The following KYNU variants were observed in gnomAD, a reference collection of about 807,000 sequenced individuals.
KYNU encodes kynureninase, also known as L-kynurenine hydrolase.
In KYNU, 54 loss-of-function variants were observed where a neutral mutation model predicts 59.2. The ratio of observed to expected loss-of-function variants is 0.91; its 90% CI spans 0.73 to 1.14. KYNU has a LOEUF of 1.14. Ranked by LOEUF, KYNU falls within the 50% of genes most tolerant of loss-of-function variation. The pLI is 0.00. For synonymous variants in KYNU, 177 were observed against 192.0 expected (o/e 0.92, Z 0.65); for missense variants, 567 against 554.4 (o/e 1.02, Z -0.23).
chr2:142,906,039 TTCTC>T (rs1315213598), intron 2 of KYNU, among the ~76,000 whole-genome samples: 5 of 151,316 alleles, frequency 3.3e-5, no homozygotes, highest in East Asian at 1.9e-4. Flanking sequence ...TCTCTCCCTT[TTCTC>T]TCTCTCTGCC....
intron 2 of KYNU, among the ~76,000 whole-genome samples, chr2:142,886,548 T>C (rs1681520625): frequency 6.6e-6 from 1 of 151,892 alleles, no homozygotes. Context: ...AGAGACGAAA[T>C]AAAATGAGGC....
At chr2:142,953,845 T>C (rs1243278237) in intron 4 of KYNU, among the ~76,000 whole-genome samples, 2 of 152,198 alleles carry the variant, frequency 1.3e-5, no homozygotes, top group Non-Finnish European at 2.9e-5. Context: ...TTAAATTATA[T>C]ACTTATTTAC....
intron 10 of KYNU, among the ~76,000 whole-genome samples, chr2:143,016,334 T>TA (rs1264034993): frequency 3.9e-5 from 6 of 152,254 alleles, no homozygotes; most frequent in Non-Finnish European, 5.9e-5. Context: ...AATATGTTAA[T>TA]ATGTAATTTA....
At chr2:142,899,062 C>T (rs994240314) in intron 2 of KYNU, among the ~76,000 whole-genome samples, 6 of 151,958 alleles carry the variant, frequency 3.9e-5, no homozygotes, top group African/African-American at 9.6e-5. Context: ...GTGGTGGACC[C>T]GGGTGGGAGT....
intron 2 of KYNU, among the ~76,000 whole-genome samples, chr2:142,910,286 G>C (rs910676873): frequency 6.6e-6 from 1 of 151,754 alleles, no homozygotes; most frequent in Admixed American, 6.6e-5. Flanking sequence ...ACAGGCCTCT[G>C]CCACCAAACC....
At chr2:142,986,729 C>A (rs1053770747) in intron 10 of KYNU, among the ~76,000 whole-genome samples, 3 of 150,636 alleles carry the variant, frequency 2.0e-5, no homozygotes, top group Admixed American at 6.6e-5. Context: ...AAAAAAAAAA[C>A]CCTTTTCATA....
At chr2:142,900,770 AGTATGGGCTGTTC>A (rs1682051993) in intron 2 of KYNU, among the ~76,000 whole-genome samples, 2 of 152,128 alleles carry the variant, frequency 1.3e-5, no homozygotes, top group African/African-American at 4.8e-5. Flanking sequence ...ATTGGGGTGT[AGTATGGGCTGTTC>A]AGTTGAGATT....
chr2:143,021,543 A>C (rs1006112081), intron 10 of KYNU, among the ~76,000 whole-genome samples: 1 of 152,140 alleles, frequency 6.6e-6, no homozygotes, highest in African/African-American at 2.4e-5. Flanking sequence ...CTTTTGTAGA[A>C]GTGTCGGGAA....
At position 143,041,433 on chromosome 2, in the gene KYNU, C is replaced by T. The variant is rs117083853; in HGVS notation, c.1273-614C>T. 2.0e-5 allele frequency among the ~76,000 whole-genome samples: 3 copies of T among 152,056 alleles called. No homozygotes were observed. In the East Asian group the frequency reaches 5.8e-4, roughly 29 times the overall value. On this transcript the variant is annotated intron_variant, in intron 13 of 13. Transcript: ENST00000264170. Reference sequence around the variant, plus strand: ...GATCTATTGGCTTGAAATTTTCATCCGTATTTGGGGTATAAAATAAATTAC... The same window carrying T: ...GATCTATTGGCTTGAAATTTTCATCTGTATTTGGGGTATAAAATAAATTAC...
At chr2:142,983,319 G>A (rs533854110) in intron 8 of KYNU, among the ~76,000 whole-genome samples, 26 of 152,034 alleles carry the variant, frequency 1.7e-4, no homozygotes, top group Admixed American at 3.3e-4. Flanking sequence ...AGCAAGCTTA[G>A]TCACTCAAGT....
At position 142,960,770 on chromosome 2, in the gene KYNU, G is replaced by T; in HGVS notation, c.729G>T (p.Lys243Asn). The change falls in exon 8 of 14, where the codon AAG (lysine) becomes AAT (asparagine). Residue 243 changes from lysine (K) to asparagine (N), a missense_variant and splice_region_variant. Transcript: ENST00000264170. ...IPAITKAGQA[K>N]GCYVGFDLAH... The stretch of plus-strand genomic sequence containing the variant: ...CCATCACAAAAGCTGGACAAGCGAA[G>T]GTATGCACGCCATTTACTTCTTCCC... The T allele has an allele frequency of 6.2e-7, 1 of 1,613,666 alleles. No individual in the cohort carries two copies.
chr2:143,028,846 C>T (rs1187643918), intron 10 of KYNU, among the ~76,000 whole-genome samples: 1 of 90,902 alleles, frequency 1.1e-5, no homozygotes, highest in African/African-American at 3.4e-5. Flanking sequence ...AAAACTCTGT[C>T]TCAAACAAAA....
Position 143,053,323 on chromosome 2 carries a change from G to C in KYNU, c.*11151G>C, listed in dbSNP as rs976309219. On this transcript the variant is annotated 3_prime_UTR_variant, in exon 14 of 14. Coordinates refer to ENST00000264170, the MANE Select transcript of KYNU (RefSeq NM_003937.3). Reference sequence around the variant, plus strand: ...TTCTAGAGGCTTCCCACAATCCTTGGCTTAAGGTCCATCTTTAAGCTTTGT... The same window carrying C: ...TTCTAGAGGCTTCCCACAATCCTTGCCTTAAGGTCCATCTTTAAGCTTTGT... 3.9e-5 allele frequency: 6 copies of C among 152,182 alleles called. No individual in the cohort carries two copies. Among genetic ancestry groups the C allele is most frequent in the Non-Finnish European group, 7.3e-5 (5 of 68,060 alleles). The allele number at this position is 152,182 out of a possible 1,614,324, so 9.4% of individuals were successfully genotyped here.
At chr2:142,953,660 G>C (rs1362387187) in intron 4 of KYNU, among the ~76,000 whole-genome samples, 1 of 152,050 alleles carries the variant, frequency 6.6e-6, no homozygotes, top group African/African-American at 2.4e-5. Context: ...GCCCCTTGAC[G>C]TTAGATATTA....
intron 10 of KYNU, among the ~76,000 whole-genome samples, chr2:143,000,660 T>C (rs1009678816): frequency 6.6e-5 from 10 of 151,902 alleles, no homozygotes; most frequent in East Asian, 1.9e-4. Flanking sequence ...GGCATATCTC[T>C]AACTGGTGAG....
At chr2:143,031,704 A>T (rs1243783673) in intron 11 of KYNU, among the ~76,000 whole-genome samples, 2 of 152,172 alleles carry the variant, frequency 1.3e-5, no homozygotes, top group Non-Finnish European at 2.9e-5. Flanking sequence ...AGGCCTGGGT[A>T]ACAGAGTGAT....
chr2:142,899,899 G>A (rs2104942848), intron 2 of KYNU, among the ~76,000 whole-genome samples: 1 of 152,238 alleles, frequency 6.6e-6, no homozygotes, highest in Non-Finnish European at 1.5e-5. Context: ...GCCATCTGAT[G>A]GGTGCTATCA....
rs1051774439 is a variant in KYNU at position 143,026,866 on chromosome 2, G to A, written c.903-2761G>A. On this transcript the variant is annotated intron_variant, in intron 10 of 13. Coordinates refer to ENST00000264170, the MANE Select transcript of KYNU (RefSeq NM_003937.3). Reference sequence around the variant, plus strand: ...CCAGTGTGACAGCCAGACTCTTCTCGAAGTTACGAAGTTACGCCACCAAGC... The same window carrying A: ...CCAGTGTGACAGCCAGACTCTTCTCAAAGTTACGAAGTTACGCCACCAAGC... Among the ~76,000 whole-genome samples the A allele has an allele frequency of 3.3e-5, 5 of 152,292 alleles. No homozygotes were observed. In the East Asian group the frequency reaches 9.7e-4, roughly 29 times the overall value.
chr2:142,979,873 A>T (rs1484140712), intron 8 of KYNU, among the ~76,000 whole-genome samples: 1 of 152,156 alleles, frequency 6.6e-6, no homozygotes, highest in Non-Finnish European at 1.5e-5. Flanking sequence ...TGGATCTCTC[A>T]CAAGAAAGGA....
Sources: allele counts gnomAD v4.1 joint callset (sites outside exome capture counted in the v4.1 genomes callset), GRCh38; gene constraint gnomAD v4.1.1; transcripts MANE v1.5; gene names NCBI Gene and HGNC (gene_info 2026-07-23, HGNC 2026-07-21).